The following NQO2 variants were observed in gnomAD, a reference collection of about 807,000 sequenced individuals.
NQO2 encodes N-ribosyldihydronicotinamide:quinone dehydrogenase 2.
Under a neutral mutation model 22.0 loss-of-function variants are expected in NQO2, and 18 were observed. That is an observed-to-expected ratio of 0.82 (90% CI 0.56 to 1.21). NQO2 has a LOEUF of 1.21. Among genes scored for constraint, NQO2 ranks in the 50% most tolerant of loss-of-function variants. The pLI is 0.00. For missense variants in NQO2, 267 were observed against 286.9 expected (o/e 0.93, Z 0.50); for synonymous variants, 106 against 110.8 (o/e 0.96, Z 0.28).
At chr6:3,008,214 T>TC (rs557225434) in intron 2 of NQO2, among the ~76,000 whole-genome samples, 1 of 151,786 alleles carries the variant, frequency 6.6e-6, no homozygotes, top group Non-Finnish European at 1.5e-5. Context: ...GGTCGGGAGT[T>TC]CGAGACCAGC....
At position 3,012,317 on chromosome 6, in the gene NQO2, G is replaced by A. The variant is rs1290721953; in HGVS notation, c.173-227G>A. On this transcript the variant is annotated intron_variant, in intron 3 of 6. Coordinates refer to ENST00000380455, the MANE Select transcript of NQO2 (RefSeq NM_000904.6). Reference sequence around the variant, plus strand: ...CTCACCAGTTGTTATGAAGAAAGGTGATGTGTGTAGAGCACAGCACCTGCT... The same window carrying A: ...CTCACCAGTTGTTATGAAGAAAGGTAATGTGTGTAGAGCACAGCACCTGCT... The A allele has an allele frequency of 5.8e-6, 5 of 858,054 alleles. No homozygotes were observed. In the East Asian group the frequency reaches 4.9e-4, roughly 83 times the overall value. The allele number at this position is 858,054 out of a possible 1,614,324, so 53.2% of individuals were successfully genotyped here.
At chr6:3,004,893 CAG>C (rs1491405375) in intron 1 of NQO2, among the ~76,000 whole-genome samples, 2 of 152,086 alleles carry the variant, frequency 1.3e-5, no homozygotes, top group African/African-American at 4.8e-5. Context: ...TGTTTTTGGA[CAG>C]AGTCTCGCTC....
At chr6:3,019,260 C>A in intron 6 of NQO2, 2 of 605,550 alleles carry the variant, frequency 3.3e-6, no homozygotes, top group Non-Finnish European at 4.1e-6. Flanking sequence ...AAAAATAGAG[C>A]TTGGAAATTG....
chr6:3,010,899 C>T (rs998203579), intron 3 of NQO2, among the ~76,000 whole-genome samples: 20 of 151,232 alleles, frequency 1.3e-4, no homozygotes, highest in East Asian at 3.9e-4. Context: ...CTGAGGCAAA[C>T]GTGGGCATAA....
At chr6:3,016,651 A>T in intron 5 of NQO2, 6 of 670,636 alleles carry the variant, frequency 8.9e-6, no homozygotes, top group Non-Finnish European at 9.2e-6. Context: ...TCCACCAGCA[A>T]CCTGGGCATG....
At chr6:3,005,443 T>A (rs897145055) in intron 1 of NQO2, among the ~76,000 whole-genome samples, 1 of 152,206 alleles carries the variant, frequency 6.6e-6, no homozygotes, top group African/African-American at 2.4e-5. Flanking sequence ...TTCTAATGCG[T>A]GTGATATGGG....
At chr6:3,011,570 G>C (rs763142884) in intron 3 of NQO2, among the ~76,000 whole-genome samples, 2 of 152,140 alleles carry the variant, frequency 1.3e-5, no homozygotes, top group Non-Finnish European at 2.9e-5. Flanking sequence ...CAAAACTTCA[G>C]AAAGAGATAA....
intron 3 of NQO2, among the ~76,000 whole-genome samples, 175 bp downstream of exon 3, chr6:3,010,364 A>C (rs940319909): frequency 3.3e-5 from 5 of 152,114 alleles, no homozygotes; most frequent in Admixed American, 3.3e-4. Context: ...TCAAATATGA[A>C]GATGAAATAG....
At chr6:3,013,067 C>T (rs28383629) in intron 4 of NQO2, among the ~76,000 whole-genome samples, 7,207 of 148,594 alleles carry the variant, frequency 0.049, 259 homozygotes, top group Middle Eastern at 0.091. Context: ...GCCATTCTCC[C>T]GCCTCAGCCT....
intron 4 of NQO2, among the ~76,000 whole-genome samples, chr6:3,013,681 G>A (rs1757224032): frequency 6.6e-6 from 1 of 152,148 alleles, no homozygotes; most frequent in Admixed American, 6.5e-5. Flanking sequence ...CCCTCCAGGA[G>A]TGCTGACTCA....
At chr6:3,011,053 T>C (rs368030240) in intron 3 of NQO2, among the ~76,000 whole-genome samples, 2 of 152,170 alleles carry the variant, frequency 1.3e-5, no homozygotes, top group African/African-American at 4.8e-5. Context: ...AATAAATAGA[T>C]GTCATCCACA....
intron 2 of NQO2, among the ~76,000 whole-genome samples, chr6:3,007,283 G>A (rs1012708190): frequency 2.6e-5 from 4 of 152,108 alleles, no homozygotes; most frequent in Admixed American, 1.3e-4. Flanking sequence ...ATTGAGAAAC[G>A]TCCCCTAGCA....
At chr6:3,008,280 G>C (rs1197959759) in intron 2 of NQO2, among the ~76,000 whole-genome samples, 1 of 152,076 alleles carries the variant, frequency 6.6e-6, no homozygotes, top group Non-Finnish European at 1.5e-5. Context: ...TTATCCGGGC[G>C]TGGTGGCGCA....
chr6:3,005,730 G>A (rs1183411577), intron 1 of NQO2: 7 of 985,244 alleles, frequency 7.1e-6, no homozygotes, highest in Admixed American at 6.2e-5. Flanking sequence ...GCTCCCCTGG[G>A]GAGAACTCAC....
intron 2 of NQO2, chr6:3,009,745 T>TA (rs1757079794): frequency 5.8e-6 from 1 of 171,174 alleles, no homozygotes; most frequent in South Asian, 1.9e-4. Context: ...AACACACCTG[T>TA]AGTCCCAGCT....
intron 1 of NQO2, chr6:3,004,788 C>A: frequency 6.4e-6 from 2 of 310,370 alleles, no homozygotes; most frequent in Non-Finnish European, 9.4e-6. Context: ...ACACTCTCTG[C>A]ATTGTTTTTT....
At chr6:3,002,151 A>G in intron 1 of NQO2, 4 of 953,502 alleles carry the variant, frequency 4.2e-6, no homozygotes, top group Non-Finnish European at 5.0e-6. Flanking sequence ...AGCTGGGGAC[A>G]CTGAAGAATG....
rs1757165921 is a variant in NQO2, at chr6:3,012,469, A to C, written c.173-75A>C. The C allele has an allele frequency of 5.1e-6, 8 of 1,577,896 alleles. 1 individual carries two copies. The highest frequency in any genetic ancestry group is 1.7e-4 in the Middle Eastern group (1 of 5,950). ...CTTGTCTGAGGAGTCCGGTATACAC[A>C]GTGCTACTGGGATGGTTGGGATGGG... On this transcript the variant is annotated intron_variant, in intron 3 of 6. Transcript: ENST00000380455.
chr6:3,016,667 G>A (rs1322183422), intron 5 of NQO2: 3 of 810,428 alleles, frequency 3.7e-6, no homozygotes, highest in East Asian at 1.3e-4. Context: ...GCATGTTAGA[G>A]CTTCTGTGTC....
Sources: allele counts gnomAD v4.1 joint callset (sites outside exome capture counted in the v4.1 genomes callset), GRCh38; gene constraint gnomAD v4.1.1; transcripts MANE v1.5; gene names NCBI Gene and HGNC (gene_info 2026-07-23, HGNC 2026-07-21).